NAALADL1: variants seen among roughly 807,000 people sequenced by gnomAD.
The protein encoded by NAALADL1 is N-acetylated alpha-linked acidic dipeptidase like 1.
NAALADL1 carries 77 observed loss-of-function variants against 82.8 expected under a neutral mutation model. That is an observed-to-expected ratio of 0.93 (90% CI 0.77 to 1.12). The LOEUF is 1.12. Among genes scored for constraint, NAALADL1 ranks in the 50% most tolerant of loss-of-function variants. The pLI, the probability that NAALADL1 is intolerant of heterozygous loss-of-function variation, is 0.00. For missense variants in NAALADL1, 956 were observed against 964.0 expected (o/e 0.99, Z 0.11); for synonymous variants, 358 against 399.2 (o/e 0.90, Z 1.23).
chr11:65,049,196 T>G (rs1451578938), intron 8 of NAALADL1, among the ~76,000 whole-genome samples: 2 of 152,136 alleles, frequency 1.3e-5, no homozygotes, highest in African/African-American at 4.8e-5. Flanking sequence ...GATTACTGTA[T>G]TTTTGGTAGA....
intron 17 of NAALADL1, 93 bp from the exon 18 acceptor site, chr11:65,045,550 G>T (rs1264548659): frequency 1.5e-6 from 2 of 1,351,322 alleles, no homozygotes; most frequent in African/African-American, 1.5e-5. Flanking sequence ...CCTGTACGCA[G>T]CGAGGCAGAA....
At chr11:65,056,712 CT>C (rs60069296) in intron 4 of NAALADL1, among the ~76,000 whole-genome samples, 1,427 of 133,200 alleles carry the variant, frequency 0.011, 13 homozygotes, top group Middle Eastern at 0.026. Flanking sequence ...CATGCCCAGC[CT>C]TTTTTTTTTT....
upstream of NAALADL1, among the ~76,000 whole-genome samples, chr11:65,060,739 C>A (rs574862121): frequency 2.0e-4 from 31 of 152,266 alleles, 1 homozygote; most frequent in South Asian, 6.2e-3. Context: ...TTAACTTAGT[C>A]AATTTTCTTT....
chr11:65,050,786 CTCAAAATAATAATAA>C (rs1407783687), intron 8 of NAALADL1, among the ~76,000 whole-genome samples: 1 of 152,040 alleles, frequency 6.6e-6, no homozygotes, highest in Non-Finnish European at 1.5e-5. Flanking sequence ...AAGACTGTGT[CTCAAAATAATAATAA>C]TAATAATACT....
rs2137014735 is a variant in NAALADL1, at chr11:65,053,612, C to T, written c.993-36G>A. ...TGAAGGGTGTGAGAAGACTCTTGGC[C>T]TTGCCCACTGCCCCCGACCCAGTGC... On this transcript the variant is annotated intron_variant, in intron 6 of 17. Transcript: ENST00000358658. The surrounding 1 kb of genome is among the most constrained non-coding windows in gnomAD (Gnocchi z 4.3). 1 of 1,539,352 alleles carries T rather than the reference C, an allele frequency of 6.5e-7. No homozygotes were observed. Among genetic ancestry groups the T allele is most frequent in the South Asian group, 1.2e-5 (1 of 80,650 alleles).
chr11:65,053,620 C>A lies in NAALADL1; in HGVS notation c.993-44G>T. On this transcript the variant is annotated intron_variant, in intron 6 of 17. Transcript: ENST00000358658. The surrounding 1 kb of genome is among the most constrained non-coding windows in gnomAD (Gnocchi z 4.3). ...GTGAGAAGACTCTTGGCCTTGCCCA[C>A]TGCCCCCGACCCAGTGCAGGAGACA... The A allele has an allele frequency of 6.6e-7, 1 of 1,513,836 alleles. No homozygotes were observed. The highest frequency in any genetic ancestry group is 2.3e-5 in the East Asian group (1 of 43,944). 93.8% of individuals were successfully genotyped at this position (1,513,836 alleles called of 1,614,324 possible). A position where few individuals can be genotyped will look rare whatever the true frequency, so the allele number is the denominator to read the frequency against.
At chr11:65,050,884 G>C (rs1180873388) in intron 8 of NAALADL1, among the ~76,000 whole-genome samples, 1 of 152,010 alleles carries the variant, frequency 6.6e-6, no homozygotes, top group African/African-American at 2.4e-5. Context: ...AGAGACAGGG[G>C]TCTCGGTATG....
At chr11:65,048,515 AC>A in intron 8 of NAALADL1, 130 bp from the exon 9 acceptor site, 1 of 996,322 alleles carries the variant, frequency 1.0e-6, no homozygotes, top group South Asian at 1.4e-5. Context: ...ATGTCCTGGC[AC>A]CCTGCAGCCA....
At chr11:65,045,570 C>G in intron 17 of NAALADL1, 113 bp from the exon 18 acceptor site, 1 of 1,176,996 alleles carries the variant, frequency 8.5e-7, no homozygotes. Context: ...AAAGCACCCC[C>G]GTCCACTTGT....
intron 13 of NAALADL1, 150 bp from the exon 14 acceptor site, chr11:65,046,676 T>C: frequency 1.3e-6 from 1 of 764,254 alleles, no homozygotes; most frequent in Middle Eastern, 3.5e-4. Flanking sequence ...AAAAGGAAAC[T>C]GAAGCTCAGA....
Position 65,053,310 on chromosome 11 carries a change from C to T in NAALADL1, c.1106G>A (p.Arg369Gln), listed in dbSNP as rs748635592. Reference sequence around the variant, plus strand: ...CACAGCCCCGTGCACCCAGCTGTCTCGGTGGTTCCCATACAGCACGTAGCG... The same window carrying T: ...CACAGCCCCGTGCACCCAGCTGTCTTGGTGGTTCCCATACAGCACGTAGCG... The part of the protein sequence containing the change: ...PDRYVLYGNH[R>Q]DSWVHGAVDP... The change falls in exon 8 of 18, where the codon CGA (arginine) becomes CAA (glutamine). Residue 369 changes from arginine to glutamine, a missense_variant. Coordinates refer to ENST00000358658, the MANE Select transcript of NAALADL1 (RefSeq NM_005468.3). This position sits in a 1 kb window ranked among gnomAD's most constrained non-coding sequence, Gnocchi z 4.3. 16 of 1,564,214 alleles carry T rather than the reference C, an allele frequency of 1.0e-5. No homozygotes were observed. In the Middle Eastern group the frequency reaches 5.1e-4, roughly 50 times the overall value.
In NAALADL1 at chr11:65,054,262, A is replaced by C; in HGVS notation, c.980T>G (p.Phe327Cys). 4 of 1,613,918 alleles carry C rather than the reference A, an allele frequency of 2.5e-6. No homozygotes were observed. The highest frequency in any genetic ancestry group is 3.4e-6 in the Non-Finnish European group (4 of 1,179,906). ...GGCTGCATCTCACCTGTCTGCTGGG[A>C]AGTCTCCGTCAGGCCGGAAGCCGGG... ...LGPGFRPDGD[F>C]PADSQVNVSV... Residue 327 changes from phenylalanine to cysteine, a missense_variant, in exon 6 of 18, where the codon TTC becomes TGC. Transcript: ENST00000358658. The surrounding 1 kb of genome is among the most constrained non-coding windows in gnomAD (Gnocchi z 4.3).
rs1407869995 is a variant in NAALADL1, at chr11:65,047,704, T to C, written c.1451A>G (p.Tyr484Cys). The change falls in exon 12 of 18, where the codon TAC becomes TGC. Residue 484 changes from tyrosine (Y) to cysteine (C), a missense_variant. By Grantham distance (194) the Tyr-to-Cys change is radical (BLOSUM62 -2). Coordinates refer to ENST00000358658, the MANE Select transcript of NAALADL1 (RefSeq NM_005468.3). ...GTTGAAGTACCGGATCCAGTTGTCG[T>C]AGATGCTCAGGTCGCCAGGGCCTGG... The part of the protein sequence containing the change: ...RSPGPGDLSI[Y>C]DNWIRYFNRS... 2 of 1,607,726 alleles carry C rather than the reference T, an allele frequency of 1.2e-6. No homozygotes were observed. The highest frequency in any genetic ancestry group is 1.1e-5 in the South Asian group (1 of 89,262).
chr11:65,056,336 A>G (rs1306225204), intron 4 of NAALADL1, among the ~76,000 whole-genome samples: 1 of 152,138 alleles, frequency 6.6e-6, no homozygotes, highest in African/African-American at 2.4e-5. Flanking sequence ...CTCGGTCCCC[A>G]TTAAATACCA....
At chr11:65,049,747 C>G (rs1028005251) in intron 8 of NAALADL1, among the ~76,000 whole-genome samples, 3 of 152,148 alleles carry the variant, frequency 2.0e-5, no homozygotes, top group African/African-American at 7.2e-5. Context: ...GGCGCACACA[C>G]CTGTAGTCCC....
upstream of NAALADL1, among the ~76,000 whole-genome samples, chr11:65,061,072 A>C (rs1421084095): frequency 2.0e-5 from 3 of 152,118 alleles, no homozygotes; most frequent in Non-Finnish European, 4.4e-5. Flanking sequence ...GGTCACATCC[A>C]CTGGGAAAAC....
At chr11:65,058,043 C>T (rs371205418) in intron 2 of NAALADL1, 35 bp downstream of exon 2, 47 of 1,612,598 alleles carry the variant, frequency 2.9e-5, no homozygotes, top group Non-Finnish European at 3.6e-5. Flanking sequence ...CAGCTCCCCA[C>T]CCCCGGGCAT....
At chr11:65,057,009 G>A (rs184435240) in intron 4 of NAALADL1, among the ~76,000 whole-genome samples, 303 of 152,322 alleles carry the variant, frequency 2.0e-3, no homozygotes, top group Non-Finnish European at 2.7e-3. Flanking sequence ...GAGCCACAGC[G>A]CCCGGCCCCT....
chr11:65,046,045 A>G lies in NAALADL1; in HGVS notation c.1925T>C (p.Leu642Pro), dbSNP rs1007102056. The change falls in exon 16 of 18, where the codon CTG (leucine) becomes CCG (proline). Residue 642 changes from leucine (L) to proline (P), a missense_variant. Transcript: ENST00000358658. ...AAALGQRIST[L>P]QKGSPDPLQV... Reference sequence around the variant, plus strand: ...TGCTCACTCAGGGCTGCCCTTCTGCAGTGTTGATATGCGTTGGCCCAAGGC... The same window carrying G: ...TGCTCACTCAGGGCTGCCCTTCTGCGGTGTTGATATGCGTTGGCCCAAGGC... The G allele has an allele frequency of 1.9e-6, 3 of 1,613,840 alleles. No individual in the cohort carries two copies. Among genetic ancestry groups the G allele is most frequent in the Non-Finnish European group, 1.7e-6 (2 of 1,180,004 alleles).
Sources: allele counts gnomAD v4.1 joint callset (sites outside exome capture counted in the v4.1 genomes callset), GRCh38; gene constraint gnomAD v4.1.1; non-coding constraint Gnocchi (gnomAD v3.1); transcripts MANE v1.5; gene names NCBI Gene and HGNC (gene_info 2026-07-23, HGNC 2026-07-21).